The following TWSG1 variants were observed in gnomAD, a reference collection of about 807,000 sequenced individuals.
The protein encoded by TWSG1 is twisted gastrulation protein homolog 1.
A neutral mutation model predicts 23.0 loss-of-function variants in TWSG1; 15 were observed. That is an observed-to-expected ratio of 0.65 (90% confidence interval 0.44 to 1.00). The LOEUF (loss-of-function observed/expected upper bound fraction) is 1.00. Among genes scored for constraint, TWSG1 ranks in the 50% least tolerant of loss-of-function variants. TWSG1 has a pLI of 0.00. For synonymous variants in TWSG1, 86 were observed against 92.8 expected (o/e 0.93, Z 0.42); for missense variants, 242 against 278.7 (o/e 0.87, Z 0.94).
At chr18:9,358,241 G>C (rs1260459401) in intron 2 of TWSG1, among the ~76,000 whole-genome samples, 1 of 151,558 alleles carries the variant, frequency 6.6e-6, no homozygotes, top group Non-Finnish European at 1.5e-5. Context: ...AAGTAGGAAT[G>C]GGGGGGCCAC....
intron 1 of TWSG1, among the ~76,000 whole-genome samples, chr18:9,335,226 A>G (rs4797364): frequency 1 from 152,246 of 152,304 alleles, 76,094 homozygotes; most frequent in Middle Eastern, 1. Context: ...CCGGTCCCCC[A>G]CACCGCTACC....
Position 9,399,950 on chromosome 18 carries a change from C to G in TWSG1, c.*423C>G, listed in dbSNP as rs12964979. On this transcript the variant is annotated 3_prime_UTR_variant, in exon 5 of 5. Transcript: ENST00000262120. ...TTAGCACACTGAGTTTTTATAGTTG[C>G]ACATCATTCCTCATTGTGCCTTGTT... The G allele has an allele frequency of 0.017, 2,667 of 154,156 alleles. 31 individuals carry two copies. Among genetic ancestry groups the G allele is most frequent in the Non-Finnish European group, 0.029 (2,025 of 69,118 alleles). The allele number at this position is 154,156 out of a possible 1,614,324, so 9.5% of individuals were successfully genotyped here.
Position 9,396,164 on chromosome 18 carries a change from AAAAAAG to A in TWSG1, c.224-115_224-110del. ...TCACCCAGCAAAAAAAAAAAAAAAAAAAAAAGGTAGGAAAATATCCATGTGTAATCC... is the reference window on the plus strand; with the variant it reads ...TCACCCAGCAAAAAAAAAAAAAAAAAGTAGGAAAATATCCATGTGTAATCC... On this transcript the variant is annotated intron_variant, in intron 3 of 4. Transcript: ENST00000262120. 7 of 879,316 alleles carry A rather than the reference AAAAAAG, an allele frequency of 8.0e-6. No homozygotes were observed. In the African/African-American group the frequency reaches 1.0e-4, roughly 13 times the overall value. The allele number at this position is 879,316 out of a possible 1,614,324, so 54.5% of individuals were successfully genotyped here. A position where few individuals can be genotyped will look rare whatever the true frequency, so the allele number is the denominator to read the frequency against.
chr18:9,398,769 G>A (rs2040749418), intron 4 of TWSG1, among the ~76,000 whole-genome samples: 1 of 152,068 alleles, frequency 6.6e-6, no homozygotes, highest in African/African-American at 2.4e-5. Context: ...TGCATTTGCA[G>A]TTCTGTTTGT....
At chr18:9,364,830 C>T (rs1434623049) in intron 3 of TWSG1, among the ~76,000 whole-genome samples, 1 of 151,520 alleles carries the variant, frequency 6.6e-6, no homozygotes. Flanking sequence ...AGTTGTAGAA[C>T]AATGATTTTC....
At chr18:9,357,030 T>A (rs972005750) in intron 2 of TWSG1, among the ~76,000 whole-genome samples, 1 of 150,138 alleles carries the variant, frequency 6.7e-6, no homozygotes, top group Admixed American at 6.6e-5. Flanking sequence ...TTCTAAAAAG[T>A]GCGTACTCAG....
chr18:9,374,980 A>G (rs946607610), intron 3 of TWSG1, among the ~76,000 whole-genome samples: 3 of 152,128 alleles, frequency 2.0e-5, no homozygotes, highest in Admixed American at 6.6e-5. Context: ...ATCCTGGCTA[A>G]CACAGTGAAA....
chr18:9,384,149 A>G (rs1258206085), intron 3 of TWSG1, among the ~76,000 whole-genome samples: 1 of 152,174 alleles, frequency 6.6e-6, no homozygotes, highest in East Asian at 1.9e-4. Context: ...TTACAGGTTA[A>G]ACTCGACTAG....
intron 3 of TWSG1, among the ~76,000 whole-genome samples, chr18:9,388,966 CTTTT>C (rs568623250): frequency 1.1e-4 from 17 of 150,792 alleles, no homozygotes; most frequent in Non-Finnish European, 2.2e-4. Context: ...TGTTTTTTGG[CTTTT>C]TGTTTGTTTG....
chr18:9,372,858 G>C (rs1011399496), intron 3 of TWSG1, among the ~76,000 whole-genome samples: 9 of 151,922 alleles, frequency 5.9e-5, no homozygotes, highest in Admixed American at 5.9e-4. Context: ...CAAAAGACAA[G>C]AACAACAAAT....
chr18:9,402,075 CTG>C lies in TWSG1; in HGVS notation c.*2552_*2553del, dbSNP rs1334436911. ...AATGGTAATTTAAATAAAATCTATT[CTG>C]TGTTTATGTAGGGTGGTATAAAAAA... On this transcript the variant is annotated 3_prime_UTR_variant, in exon 5 of 5. Coordinates refer to ENST00000262120, the MANE Select transcript of TWSG1 (RefSeq NM_020648.6). 1.3e-5 allele frequency: 2 copies of C among 151,940 alleles called. No homozygotes were observed. The highest frequency in any genetic ancestry group is 4.8e-5 in the African/African-American group (2 of 41,390). 9.4% of individuals were successfully genotyped at this position (151,940 alleles called of 1,614,324 possible). A position where few individuals can be genotyped will look rare whatever the true frequency, so the allele number is the denominator to read the frequency against.
intron 2 of TWSG1, among the ~76,000 whole-genome samples, chr18:9,347,835 G>A (rs1228676271): frequency 6.6e-6 from 1 of 151,356 alleles, no homozygotes; most frequent in Non-Finnish European, 1.5e-5. Flanking sequence ...GTTTTTTTTG[G>A]ATGCATTATT....
At chr18:9,369,858 T>G (rs2040596628) in intron 3 of TWSG1, among the ~76,000 whole-genome samples, 1 of 152,228 alleles carries the variant, frequency 6.6e-6, no homozygotes, top group Non-Finnish European at 1.5e-5. Flanking sequence ...ATTTTTTATA[T>G]TAACCGCTTA....
At chr18:9,356,792 T>C (rs2040528870) in intron 2 of TWSG1, among the ~76,000 whole-genome samples, 1 of 152,036 alleles carries the variant, frequency 6.6e-6, no homozygotes, top group African/African-American at 2.4e-5. Context: ...ATGCAAATAT[T>C]ACAAAATCCA....
chr18:9,399,635 TA>T lies in TWSG1; in HGVS notation c.*111del, dbSNP rs2040754010. 1 of 1,003,250 alleles carries T rather than the reference TA, an allele frequency of 1.0e-6. No homozygotes were observed. The highest frequency in any genetic ancestry group is 1.7e-5 in the African/African-American group (1 of 60,482). 62.1% of individuals were successfully genotyped at this position (1,003,250 alleles called of 1,614,324 possible). On this transcript the variant is annotated 3_prime_UTR_variant, in exon 5 of 5. Transcript: ENST00000262120. ...ATCAGAATCCCAGTAAGTTAAGTTG[TA>T]AAGACTTTGGAATAAGTTTCTTTTA...
At chr18:9,349,194 A>G (rs1317800535) in intron 2 of TWSG1, among the ~76,000 whole-genome samples, 3 of 152,208 alleles carry the variant, frequency 2.0e-5, no homozygotes, top group Non-Finnish European at 2.9e-5. Context: ...GATCTTTACT[A>G]CTTTCCCCTG....
intron 4 of TWSG1, chr18:9,396,761 T>C (rs2040738869): frequency 2.2e-5 from 14 of 631,910 alleles, no homozygotes; most frequent in Non-Finnish European, 3.4e-5. Context: ...AATCCTTGAG[T>C]AGATAAAAAG....
chr18:9,341,345 T>C (rs1465515465), intron 2 of TWSG1, among the ~76,000 whole-genome samples: 2 of 152,202 alleles, frequency 1.3e-5, no homozygotes, highest in East Asian at 1.9e-4. Flanking sequence ...GTGTCAAATG[T>C]TCTCTTTTTT....
At chr18:9,374,852 G>A (rs1028011465) in intron 3 of TWSG1, among the ~76,000 whole-genome samples, 2 of 152,158 alleles carry the variant, frequency 1.3e-5, no homozygotes, top group Non-Finnish European at 2.9e-5. Flanking sequence ...ATGCCATACT[G>A]GTTCAACATT....
Sources: allele counts gnomAD v4.1 joint callset (sites outside exome capture counted in the v4.1 genomes callset), GRCh38; gene constraint gnomAD v4.1.1; transcripts MANE v1.5; gene names NCBI Gene and HGNC (gene_info 2026-07-23, HGNC 2026-07-21).